The following GMDS variants were observed in gnomAD, a reference collection of about 807,000 sequenced individuals.
The protein encoded by GMDS is GDP-mannose 4,6 dehydratase.
A neutral mutation model predicts 49.9 loss-of-function variants in GMDS; 20 were observed. That is an observed-to-expected ratio of 0.40 (90% CI 0.28 to 0.58). The LOEUF (loss-of-function observed/expected upper bound fraction) is 0.58. Among genes scored for constraint, GMDS ranks in the 20% least tolerant of loss-of-function variants. The pLI, the probability that GMDS is intolerant of heterozygous loss-of-function variation, is 0.42. For missense variants in GMDS, 362 were observed against 481.4 expected (o/e 0.75, Z 2.32); for synonymous variants, 177 against 178.6 (o/e 0.99, Z 0.07).
intron 6 of GMDS, among the ~76,000 whole-genome samples, chr6:1,938,972 C>G (rs1762679877): frequency 1.5e-5 from 2 of 136,726 alleles, no homozygotes; most frequent in South Asian, 5.4e-4. Context: ...CCCCTCCCCT[C>G]CCCTCCCCTC....
intron 1 of GMDS, among the ~76,000 whole-genome samples, chr6:2,170,354 A>G (rs1217201460): frequency 1.3e-5 from 2 of 152,230 alleles, no homozygotes; most frequent in Non-Finnish European, 2.9e-5. Context: ...GGCCAGGTGT[A>G]CTAGCTCATA....
chr6:2,154,861 T>G (rs1777022074), intron 1 of GMDS, among the ~76,000 whole-genome samples: 1 of 32,032 alleles, frequency 3.1e-5, no homozygotes, highest in Non-Finnish European at 4.7e-5. Flanking sequence ...ATTGAAGAGA[T>G]GCAAAAAAAA....
chr6:2,025,150 C>G (rs985964628), intron 4 of GMDS, among the ~76,000 whole-genome samples: 26 of 151,874 alleles, frequency 1.7e-4, no homozygotes, highest in African/African-American at 6.3e-4. Flanking sequence ...AATAAATGAA[C>G]CTAACATTCA....
chr6:2,143,315 G>A (rs1776395929), intron 1 of GMDS, among the ~76,000 whole-genome samples: 1 of 152,044 alleles, frequency 6.6e-6, no homozygotes. Flanking sequence ...TCAATTGAGG[G>A]GCACTACTGA....
At chr6:1,634,554 G>A (rs1235936692) in intron 9 of GMDS, among the ~76,000 whole-genome samples, 1 of 152,190 alleles carries the variant, frequency 6.6e-6, no homozygotes, top group Non-Finnish European at 1.5e-5. Flanking sequence ...TGTGCACTAT[G>A]TAAAAGTCCA....
rs541488999 is a variant in GMDS at position 2,005,727 on chromosome 6, C to T, written c.346-44761G>A. On this transcript the variant is annotated intron_variant, in intron 4 of 10. Transcript: ENST00000380815. ...CAGAGGTCTGCCAACTGGCACACAC[C>T]TCAGATATCCAACTTCCAGACTCAG... is the stretch of plus-strand genomic sequence containing the variant. Among the ~76,000 whole-genome samples, 14 of 152,284 alleles carry T rather than the reference C, an allele frequency of 9.2e-5. No homozygotes were observed. In the South Asian group the frequency reaches 1.5e-3, roughly 16 times the overall value.
chr6:1,961,032 G>T, intron 4 of GMDS, 66 bp from the exon 5 acceptor site: 2 of 864,618 alleles, frequency 2.3e-6, no homozygotes, highest in Admixed American at 2.6e-5. Flanking sequence ...CTGTCAGCAG[G>T]AACAAAGACT....
At chr6:1,789,932 C>T (rs1769470036) in intron 7 of GMDS, among the ~76,000 whole-genome samples, 1 of 152,136 alleles carries the variant, frequency 6.6e-6, no homozygotes, top group African/African-American at 2.4e-5. Context: ...AATAATATCA[C>T]ACTTATATTT....
intron 4 of GMDS, among the ~76,000 whole-genome samples, chr6:2,017,923 A>C (rs1037483101): frequency 1.3e-5 from 2 of 152,202 alleles, no homozygotes; most frequent in South Asian, 4.1e-4. Flanking sequence ...CTACTGAAGA[A>C]AGCTGCATAC....
chr6:1,959,525 C>G (rs1763823823), intron 6 of GMDS, among the ~76,000 whole-genome samples: 1 of 152,160 alleles, frequency 6.6e-6, no homozygotes, highest in African/African-American at 2.4e-5. Flanking sequence ...GGAGTAATTT[C>G]TAAAAACAAT....
intron 4 of GMDS, among the ~76,000 whole-genome samples, chr6:1,998,531 T>C (rs1293972277): frequency 6.6e-6 from 1 of 152,162 alleles, no homozygotes; most frequent in Admixed American, 6.5e-5. Flanking sequence ...ATATTAACAG[T>C]CAGCCCTTCG....
intron 1 of GMDS, among the ~76,000 whole-genome samples, chr6:2,158,863 C>T (rs1192788882): frequency 6.6e-6 from 1 of 152,224 alleles, no homozygotes; most frequent in East Asian, 1.9e-4. Flanking sequence ...ATTCCTTACG[C>T]TGCCAGAGGC....
intron 7 of GMDS, among the ~76,000 whole-genome samples, chr6:1,799,542 C>T (rs569783108): frequency 2.9e-4 from 44 of 152,080 alleles, no homozygotes; most frequent in African/African-American, 1.0e-3. Context: ...TGAAAGAAGA[C>T]GAGAAAATAG....
intron 9 of GMDS, among the ~76,000 whole-genome samples, chr6:1,682,192 A>C (rs1764812574): frequency 6.6e-6 from 1 of 152,212 alleles, no homozygotes; most frequent in Non-Finnish European, 1.5e-5. Flanking sequence ...ATTATGAGTA[A>C]TTTCATGATA....
intron 4 of GMDS, among the ~76,000 whole-genome samples, chr6:1,979,666 C>T (rs1214970923): frequency 1.3e-5 from 2 of 152,108 alleles, no homozygotes; most frequent in East Asian, 3.9e-4. Flanking sequence ...GCAAGATAGG[C>T]CAACATTCAA....
intron 4 of GMDS, among the ~76,000 whole-genome samples, chr6:1,984,304 C>A (rs1765407585): frequency 6.6e-6 from 1 of 152,120 alleles, no homozygotes; most frequent in African/African-American, 2.4e-5. Flanking sequence ...GAGATGATCT[C>A]TGCAGACAAC....
At chr6:1,822,012 G>GA (rs894571612) in intron 7 of GMDS, among the ~76,000 whole-genome samples, 34 of 150,502 alleles carry the variant, frequency 2.3e-4, no homozygotes, top group Non-Finnish European at 2.8e-4. Context: ...TTCCTGAAAA[G>GA]AAAAAAAAAT....
intron 4 of GMDS, among the ~76,000 whole-genome samples, chr6:1,982,713 A>G (rs2127348771): frequency 6.6e-6 from 1 of 152,356 alleles, no homozygotes; most frequent in East Asian, 1.9e-4. Flanking sequence ...ACCACTGCTC[A>G]AAGAAATCAG....
intron 4 of GMDS, among the ~76,000 whole-genome samples, chr6:2,084,864 T>C (rs1423384321): frequency 4.6e-5 from 7 of 152,158 alleles, no homozygotes; most frequent in Admixed American, 3.9e-4. Flanking sequence ...TACATATAAT[T>C]TGAGCAAACC....
Sources: gnomAD v4.1 joint callset for allele counts (sites outside exome capture counted in the v4.1 genomes callset) on GRCh38, gnomAD v4.1.1 for gene constraint, MANE v1.5 for transcripts, NCBI Gene and HGNC (gene_info 2026-07-23, HGNC 2026-07-21) for gene names.